Variants in CD3G observed in about 807,000 individuals in gnomAD.
The protein encoded by CD3G is T-cell surface glycoprotein CD3 gamma chain.
A neutral mutation model predicts 28.3 loss-of-function variants in CD3G; 24 were observed. The observed-to-expected ratio is 0.85, with a 90% CI of 0.61 to 1.19. The LOEUF is 1.19. Among genes scored for constraint, CD3G ranks in the 50% most tolerant of loss-of-function variants. CD3G has a pLI of 0.00. For synonymous variants in CD3G, 71 were observed against 75.9 expected (o/e 0.93, Z 0.34); for missense variants, 211 against 210.0 (o/e 1.00, Z -0.03).
chr11:118,352,378 A>G (rs200917473), intron 5 of CD3G, 26 bp from the exon 6 acceptor site: 2 of 1,599,174 alleles, frequency 1.3e-6, no homozygotes, highest in South Asian at 2.2e-5. Flanking sequence ...GGAAAAAATG[A>G]CTTATGACTG....
In CD3G at chr11:118,350,515, T is replaced by C. The variant is rs763667084; in HGVS notation, c.308-37T>C. ...GAAAACGAACCAGGAAAAACAACTT[T>C]CGCAACCTGAAGGTTTGTCTCTCCT... On this transcript the variant is annotated intron_variant, in intron 3 of 6. Transcript: ENST00000532917. The C allele has an allele frequency of 2.0e-5, 31 of 1,535,332 alleles. No individual in the cohort carries two copies. The Admixed American group carries it at 4.3e-4, about 21-fold the overall frequency.
intron 4 of CD3G, chr11:118,350,889 G>GAAGAAAAAAAAAAAAAAA (rs1948402050): frequency 1.9e-6 from 1 of 523,510 alleles, no homozygotes; most frequent in Non-Finnish European, 2.4e-6. Flanking sequence ...CTCCCTCTGT[G>GAAGAAAAAAAAAAAAAAA]AAAAAAAAAA....
intron 1 of CD3G, among the ~76,000 whole-genome samples, chr11:118,346,673 A>C (rs1027469069): frequency 1.3e-5 from 2 of 151,722 alleles, no homozygotes; most frequent in Non-Finnish European, 2.9e-5. Flanking sequence ...AAAATTAGCC[A>C]GGCATGTTGG....
chr11:118,346,242 T>C (rs1358242283), intron 1 of CD3G, among the ~76,000 whole-genome samples: 2 of 152,124 alleles, frequency 1.3e-5, no homozygotes, highest in African/African-American at 4.8e-5. Context: ...GAGACCATCC[T>C]GGTCAACATG....
At chr11:118,350,315 C>T (rs1591284734) in intron 3 of CD3G, 3 of 590,104 alleles carry the variant, frequency 5.1e-6, no homozygotes, top group Non-Finnish European at 9.0e-6. Context: ...TCTAGTCTTC[C>T]TTCTGTTCCA....
chr11:118,345,020 G>T (rs1364716095), intron 1 of CD3G, among the ~76,000 whole-genome samples: 1 of 152,220 alleles, frequency 6.6e-6, no homozygotes, highest in Non-Finnish European at 1.5e-5. Context: ...TATAGTATGG[G>T]TGCCTGCATG....
rs1447586877 is a variant in CD3G, at chr11:118,353,290, A to G, written c.*190A>G. 1 of 152,172 alleles carries G rather than the reference A, an allele frequency of 6.6e-6. No individual in the cohort carries two copies. Among genetic ancestry groups the G allele is most frequent in the Non-Finnish European group, 1.5e-5 (1 of 68,044 alleles). 9.4% of individuals were successfully genotyped at this position (152,172 alleles called of 1,614,324 possible). ...GGGTTTCTCAAATAAAATAAAAATA[A>G]AAACAAATACTGTGTTTCAGAAGCG... On this transcript the variant is annotated 3_prime_UTR_variant, in exon 7 of 7. Coordinates refer to ENST00000532917, the MANE Select transcript of CD3G (RefSeq NM_000073.3).
intron 5 of CD3G, among the ~76,000 whole-genome samples, chr11:118,352,068 T>A (rs1474213570): frequency 6.6e-6 from 1 of 151,744 alleles, no homozygotes; most frequent in Non-Finnish European, 1.5e-5. Flanking sequence ...CAAAAAAAAT[T>A]AACCAGGCGT....
chr11:118,350,284 C>T (rs945594386), intron 3 of CD3G: 2 of 571,136 alleles, frequency 3.5e-6, no homozygotes, highest in Non-Finnish European at 6.2e-6. Flanking sequence ...AGAACTGGAG[C>T]GCAGTGGAGC....
chr11:118,354,140 A>T lies in CD3G; in HGVS notation c.*1040A>T, dbSNP rs1591287138. On this transcript the variant is annotated 3_prime_UTR_variant, in exon 7 of 7. Transcript: ENST00000532917. ...CTAACATTGTATAAATATCATTTTT[A>T]AAAATAATTGCATTGAAGCATAATG... is the stretch of plus-strand genomic sequence containing the variant. 1 of 152,130 alleles carries T rather than the reference A, an allele frequency of 6.6e-6. No homozygotes were observed. Among genetic ancestry groups the T allele is most frequent in the Non-Finnish European group, 1.5e-5 (1 of 68,022 alleles). The allele number at this position is 152,130 out of a possible 1,614,324, so 9.4% of individuals were successfully genotyped here.
chr11:118,346,442 AC>A (rs1269273886), intron 1 of CD3G, among the ~76,000 whole-genome samples: 1 of 151,906 alleles, frequency 6.6e-6, no homozygotes, highest in East Asian at 1.9e-4. Flanking sequence ...GTCTCAAAAA[AC>A]AAAACAAAAA....
chr11:118,353,273 C>CAAATA lies in CD3G; in HGVS notation c.*182_*186dup, dbSNP rs1341391857. 2.6e-5 allele frequency: 4 copies of CAAATA among 151,690 alleles called. No homozygotes were observed. The highest frequency in any genetic ancestry group is 9.7e-5 in the African/African-American group (4 of 41,290). The allele number at this position is 151,690 out of a possible 1,614,324, so 9.4% of individuals were successfully genotyped here. On this transcript the variant is annotated 3_prime_UTR_variant, in exon 7 of 7. Coordinates refer to ENST00000532917, the MANE Select transcript of CD3G (RefSeq NM_000073.3). ...CATCAGAGCAAATTTGGGGGTTTCT[C>CAAATA]AAATAAAATAAAAATAAAAACAAAT...
At chr11:118,345,717 A>G (rs115927805) in intron 1 of CD3G, among the ~76,000 whole-genome samples, 227 of 152,292 alleles carry the variant, frequency 1.5e-3, no homozygotes, top group African/African-American at 5.0e-3. Flanking sequence ...GAGGAAGGCA[A>G]CGTTACCCTC....
chr11:118,353,735 T>A lies in CD3G; in HGVS notation c.*635T>A, dbSNP rs1320773590. On this transcript the variant is annotated 3_prime_UTR_variant, in exon 7 of 7. Transcript: ENST00000532917. ...TAGTAGAGACAGGGTTTTGCTCTGT[T>A]GGCCAAGCTGGTCTCGAACTCCTGA... 1 of 152,036 alleles carries A rather than the reference T, an allele frequency of 6.6e-6. No individual in the cohort carries two copies. The highest frequency in any genetic ancestry group is 1.5e-5 in the Non-Finnish European group (1 of 68,058). The allele number at this position is 152,036 out of a possible 1,614,324, so 9.4% of individuals were successfully genotyped here. A position where few individuals can be genotyped will look rare whatever the true frequency, so the allele number is the denominator to read the frequency against.
Position 118,349,657 on chromosome 11 carries a change from C to T in CD3G, c.80-86C>T. Reference sequence around the variant, plus strand: ...TGTGCACATCAAAGTTTGAGAAACACTACTCTAATGATCTCCTGGTATGCA... The same window carrying T: ...TGTGCACATCAAAGTTTGAGAAACATTACTCTAATGATCTCCTGGTATGCA... On this transcript the variant is annotated intron_variant, in intron 2 of 6. Coordinates refer to ENST00000532917, the MANE Select transcript of CD3G (RefSeq NM_000073.3). The T allele has an allele frequency of 2.0e-6, 2 of 1,018,254 alleles. 1 individual carries two copies. The highest frequency in any genetic ancestry group is 3.6e-5 in the Admixed American group (2 of 55,034). The allele number at this position is 1,018,254 out of a possible 1,614,324, so 63.1% of individuals were successfully genotyped here.
At chr11:118,351,497 T>C in intron 4 of CD3G, 131 bp from the exon 5 acceptor site, 1 of 807,550 alleles carries the variant, frequency 1.2e-6, no homozygotes, top group South Asian at 1.5e-5. Flanking sequence ...CTCAACAACA[T>C]GTTTATGTGC....
chr11:118,354,013 T>G lies in CD3G; in HGVS notation c.*913T>G, dbSNP rs1210153558. Reference sequence around the variant, plus strand: ...TTATATCCTTTTTAATGCAACCATATTGTACAAATAGACTATGATTTATTT... The same window carrying G: ...TTATATCCTTTTTAATGCAACCATAGTGTACAAATAGACTATGATTTATTT... On this transcript the variant is annotated 3_prime_UTR_variant, in exon 7 of 7. Coordinates refer to ENST00000532917, the MANE Select transcript of CD3G (RefSeq NM_000073.3). 6.6e-6 allele frequency: 1 copy of G among 152,218 alleles called. No individual in the cohort carries two copies. The highest frequency in any genetic ancestry group is 2.4e-5 in the African/African-American group (1 of 41,462). The allele number at this position is 152,218 out of a possible 1,614,324, so 9.4% of individuals were successfully genotyped here.
intron 5 of CD3G, among the ~76,000 whole-genome samples, chr11:118,351,931 A>T (rs781451720): frequency 9.2e-5 from 14 of 151,944 alleles, no homozygotes; most frequent in Non-Finnish European, 1.6e-4. Flanking sequence ...GGCACTCACT[A>T]TAGACAGGCC....
chr11:118,348,591 T>C (rs1454790804), intron 1 of CD3G, among the ~76,000 whole-genome samples: 2 of 152,096 alleles, frequency 1.3e-5, no homozygotes, highest in Non-Finnish European at 2.9e-5. Context: ...CATGATTGAT[T>C]GAATCATTGG....
Sources: gnomAD v4.1 joint callset for allele counts (sites outside exome capture counted in the v4.1 genomes callset) on GRCh38, gnomAD v4.1.1 for gene constraint, MANE v1.5 for transcripts, NCBI Gene and HGNC (gene_info 2026-07-23, HGNC 2026-07-21) for gene names.